XKR6: variants seen among roughly 807,000 people sequenced by gnomAD.
XKR6 encodes XK related 6.
In XKR6, 22 loss-of-function variants were observed where a neutral mutation model predicts 56.7. The ratio of observed to expected loss-of-function variants is 0.39; its 90% CI spans 0.28 to 0.55. XKR6 has a LOEUF of 0.55. Among genes scored for constraint, XKR6 ranks in the 20% least tolerant of loss-of-function variants. The probability of loss-of-function intolerance (pLI) is 0.66; values close to 1 mark genes in which losing one functional copy is unlikely to be tolerated. For missense variants in XKR6, 852 were observed against 889.0 expected, an observed-to-expected ratio of 0.96 and a Z score of 0.53; for synonymous variants, 524 against 387.8, an observed-to-expected ratio of 1.35 and a Z score of -4.13.
At chr8:11,030,013 T>A (rs1457270284) in intron 1 of XKR6, among the ~76,000 whole-genome samples, 1 of 152,074 alleles carries the variant, frequency 6.6e-6, no homozygotes, top group Non-Finnish European at 1.5e-5. Flanking sequence ...ACCATGTAGA[T>A]CACTCCACAA....
At chr8:10,931,652 T>C (rs1396013228) in intron 1 of XKR6, among the ~76,000 whole-genome samples, 1 of 152,132 alleles carries the variant, frequency 6.6e-6, no homozygotes, top group Non-Finnish European at 1.5e-5. Flanking sequence ...TCAATGTTGA[T>C]AGTCTTTTCA....
intron 1 of XKR6, chr8:11,062,518 T>TCCTCTC: frequency 2.8e-6 from 1 of 354,240 alleles, no homozygotes; most frequent in Non-Finnish European, 5.5e-6. Context: ...TCACCATCTC[T>TCCTCTC]CCTCTACCTG....
chr8:11,178,911 C>A (rs1802820739), intron 1 of XKR6, among the ~76,000 whole-genome samples: 1 of 151,544 alleles, frequency 6.6e-6, no homozygotes, highest in Non-Finnish European at 1.5e-5. Flanking sequence ...GGCACAATCA[C>A]AGCTCACTGC....
intron 1 of XKR6, among the ~76,000 whole-genome samples, chr8:11,160,273 C>A (rs1051050274): frequency 3.3e-5 from 5 of 151,908 alleles, no homozygotes; most frequent in Non-Finnish European, 1.5e-5. Context: ...CTAAAAACAT[C>A]ACAATTTATT....
chr8:10,984,732 C>CTCTCTCTATATATATATATATA, intron 1 of XKR6, among the ~76,000 whole-genome samples: 60 of 47,474 alleles, frequency 1.3e-3, no homozygotes, highest in African/African-American at 1.7e-3. Context: ...CTCTCTCTCT[C>CTCTCTCTATATATATATATATA]TATATATATA....
chr8:11,042,428 G>C (rs926252604), intron 1 of XKR6, among the ~76,000 whole-genome samples: 1 of 152,080 alleles, frequency 6.6e-6, no homozygotes, highest in African/African-American at 2.4e-5. Context: ...TAGTGAGTGA[G>C]TTCTCATGAG....
Position 10,898,622 on chromosome 8 carries a change from T to G in XKR6, c.1256A>C (p.Asn419Thr). The change falls in exon 3 of 3, where the codon AAC (asparagine) becomes ACC (threonine). Residue 419 changes from asparagine (N) to threonine (T), a missense_variant. By Grantham distance (65) the Asn-to-Thr change is moderately conservative. Around this residue, in one of 4 missense-constraint regions of XKR6, gnomAD observed 199 missense variants for 280.4 expected, o/e 0.71. Transcript: ENST00000416569. This position sits in a 1 kb window ranked among gnomAD's most constrained non-coding sequence, Gnocchi z 6.6. ...AATGTACACGATCCCTACCACCATG[T>G]TGAAGAGGATCTCCTCCCACTTGGA... Reference protein sequence around the residue: ...CMSKWEEILFNMVVGIVYIFC... With the variant: ...CMSKWEEILFTMVVGIVYIFC... 1 of 1,614,134 alleles carries G rather than the reference T, an allele frequency of 6.2e-7. No individual in the cohort carries two copies. Among genetic ancestry groups the G allele is most frequent in the South Asian group, 1.1e-5 (1 of 91,048 alleles).
rs117264557 is a variant in XKR6 at position 11,112,311 on chromosome 8, G to A, written c.764+88265C>T. Among the ~76,000 whole-genome samples the A allele has an allele frequency of 3.7e-4, 56 of 152,144 alleles. 1 individual carries two copies. The East Asian group carries it at 4.2e-3, about 12-fold the overall frequency. ...ACTATTTTTTTAGTCGAGTAATAGC[G>A]GTTACAGTCTTTGTGCTTCTATTAC... is the stretch of plus-strand genomic sequence containing the variant. On this transcript the variant is annotated intron_variant, in intron 1 of 2. Transcript: ENST00000416569.
intron 1 of XKR6, among the ~76,000 whole-genome samples, chr8:11,053,694 C>T (rs1799611130): frequency 6.6e-6 from 1 of 152,246 alleles, no homozygotes; most frequent in South Asian, 2.1e-4. Context: ...TTCTAGCCCT[C>T]TGTTCCTGAG....
At chr8:10,982,048 GCTA>G (rs1311981385) in intron 1 of XKR6, among the ~76,000 whole-genome samples, 1 of 152,228 alleles carries the variant, frequency 6.6e-6, no homozygotes, top group Non-Finnish European at 1.5e-5. Context: ...AGCCTTAGTT[GCTA>G]CCCCAACTTG....
chr8:11,095,967 C>A (rs905190128), intron 1 of XKR6, among the ~76,000 whole-genome samples: 4 of 152,086 alleles, frequency 2.6e-5, no homozygotes, highest in Admixed American at 6.5e-5. Flanking sequence ...CATTTTTAAC[C>A]ACAAGAGCAG....
At chr8:10,994,276 G>T (rs989821789) in intron 1 of XKR6, among the ~76,000 whole-genome samples, 34 of 152,330 alleles carry the variant, frequency 2.2e-4, no homozygotes, top group African/African-American at 7.9e-4. Flanking sequence ...TTGAGTTGCT[G>T]CACTGTCTTC....
chr8:11,025,583 G>A (rs186754478), intron 1 of XKR6, among the ~76,000 whole-genome samples: 3 of 152,290 alleles, frequency 2.0e-5, no homozygotes, highest in Admixed American at 1.3e-4. Context: ...TACACGGAAA[G>A]AAGTGAACAC....
chr8:11,164,820 A>G (rs895542397), intron 1 of XKR6, among the ~76,000 whole-genome samples: 1 of 152,216 alleles, frequency 6.6e-6, no homozygotes, highest in Non-Finnish European at 1.5e-5. Flanking sequence ...CTAGCCTTGT[A>G]TACCTGAGAC....
intron 1 of XKR6, among the ~76,000 whole-genome samples, chr8:11,079,299 A>G (rs115809355): frequency 0.021 from 3,156 of 152,342 alleles, 101 homozygotes; most frequent in African/African-American, 0.072. Context: ...TGGGGAATAA[A>G]TAAACACATT....
Position 11,200,849 on chromosome 8 carries a change from A to G in XKR6, c.491T>C (p.Leu164Pro), listed in dbSNP as rs750892549. 8.7e-6 allele frequency: 14 copies of G among 1,612,014 alleles called. No homozygotes were observed. Among genetic ancestry groups the G allele is most frequent in the African/African-American group, 1.3e-5 (1 of 74,918 alleles). Residue 164 changes from leucine (L) to proline (P), a missense_variant, in exon 1 of 3, where the codon CTG becomes CCG. By Grantham distance (98) the Leu-to-Pro change is moderately conservative (BLOSUM62 -3). Around this residue, in one of 4 missense-constraint regions of XKR6, gnomAD observed 417 missense variants for 355.2 expected, o/e 1.17. Coordinates refer to ENST00000416569, the MANE Select transcript of XKR6 (RefSeq NM_173683.4). This position sits in a 1 kb window ranked among gnomAD's most constrained non-coding sequence, Gnocchi z 6.4. ...YRKGDYVYFG[L>P]TLFFVLVPSL... ...CGGCACCAGCACGAAGAAGAGGGTC[A>G]GCCCGAAGTAGACGTAGTCCCCCTT... is the stretch of plus-strand genomic sequence containing the variant.
At chr8:10,924,944 T>G in intron 1 of XKR6, 114 bp from the exon 2 acceptor site, 1 of 1,159,806 alleles carries the variant, frequency 8.6e-7, no homozygotes, top group South Asian at 1.6e-5. Context: ...CTCCCTATGC[T>G]CTGAAGTTCC....
At chr8:10,961,545 T>C (rs1802061517) in intron 1 of XKR6, among the ~76,000 whole-genome samples, 1 of 152,186 alleles carries the variant, frequency 6.6e-6, no homozygotes, top group African/African-American at 2.4e-5. Flanking sequence ...GATGAGTACA[T>C]GAAGAAACCC....
chr8:11,071,696 G>A (rs978321529), intron 1 of XKR6, among the ~76,000 whole-genome samples: 2 of 151,892 alleles, frequency 1.3e-5, no homozygotes, highest in Non-Finnish European at 2.9e-5. Context: ...GAGTCTATGA[G>A]CCCCGAGTCT....
Sources: gnomAD v4.1 joint callset for allele counts (sites outside exome capture counted in the v4.1 genomes callset) on GRCh38, gnomAD v4.1.1 for gene constraint, gnomAD v4.1.1 regional missense constraint, Gnocchi (gnomAD v3.1) non-coding constraint, MANE v1.5 for transcripts, NCBI Gene and HGNC (gene_info 2026-07-23, HGNC 2026-07-21) for gene names.